The following CFAP206 variants were observed in gnomAD, a reference collection of about 807,000 sequenced individuals.
The protein encoded by CFAP206 is cilia and flagella associated protein 206.
CFAP206 carries 53 observed loss-of-function variants against 65.4 expected under a neutral mutation model. The ratio of observed to expected loss-of-function variants is 0.81; its 90% CI spans 0.65 to 1.02. CFAP206 has a LOEUF of 1.02. CFAP206 is among the 50% of genes least tolerant of loss of function. The pLI, the probability that CFAP206 is intolerant of heterozygous loss-of-function variation, is 0.00. For missense variants in CFAP206, 663 were observed against 753.2 expected (o/e 0.88, Z 1.40); for synonymous variants, 250 against 254.4 (o/e 0.98, Z 0.17).
rs185954307 is a variant in CFAP206 at position 87,438,771 on chromosome 6, C to A, written c.1494+3718C>A. 2.3e-3 allele frequency among the ~76,000 whole-genome samples: 356 copies of A among 152,218 alleles called. 2 individuals carry two copies. The highest frequency in any genetic ancestry group is 2.8e-3 in the Non-Finnish European group (189 of 68,022). On this transcript the variant is annotated intron_variant, in intron 11 of 12. Transcript: ENST00000369562. ...CACAATTTATTTTTTACATTGAGAT[C>A]TTTAGTCTATTTGGAGATAATAAAG...
At chr6:87,440,629 G>A (rs527682059) in intron 11 of CFAP206, among the ~76,000 whole-genome samples, 11 of 152,080 alleles carry the variant, frequency 7.2e-5, no homozygotes, top group Non-Finnish European at 1.5e-4. Flanking sequence ...ACTCATAGAT[G>A]GAAAATTTTA....
chr6:87,422,450 C>T (rs1244172036), intron 7 of CFAP206, among the ~76,000 whole-genome samples: 7 of 88,700 alleles, frequency 7.9e-5, no homozygotes, highest in African/African-American at 2.8e-4. Context: ...AACTCCATCT[C>T]GAAAAAAAAA....
intron 11 of CFAP206, among the ~76,000 whole-genome samples, chr6:87,453,070 T>G (rs903555829): frequency 6.6e-6 from 1 of 151,878 alleles, no homozygotes; most frequent in Non-Finnish European, 1.5e-5. Flanking sequence ...GAAAGGATCC[T>G]AAAAGCAGCA....
chr6:87,452,990 G>A (rs1582150976), intron 11 of CFAP206, among the ~76,000 whole-genome samples: 2 of 151,950 alleles, frequency 1.3e-5, no homozygotes, highest in African/African-American at 2.4e-5. Context: ...GTTATAAAAC[G>A]TCAAGCAGAT....
chr6:87,428,546 T>G, intron 8 of CFAP206, 80 bp from the exon 9 acceptor site: 3 of 1,326,128 alleles, frequency 2.3e-6, no homozygotes, highest in Non-Finnish European at 3.2e-6. Context: ...CAAATGACAA[T>G]TGTATTTATC....
At chr6:87,442,046 G>C in intron 11 of CFAP206, 1 of 220,350 alleles carries the variant, frequency 4.5e-6, no homozygotes, top group Admixed American at 4.4e-5. Flanking sequence ...TCAGATCTTG[G>C]AGTGGTGAAA....
intron 11 of CFAP206, 38 bp from the exon 12 acceptor site, chr6:87,460,984 T>C (rs559760768): frequency 1.3e-6 from 2 of 1,534,212 alleles, no homozygotes; most frequent in Admixed American, 4.9e-5. Context: ...TAATGTTTAT[T>C]TTTTACAAGC....
At chr6:87,463,436 C>G (rs9450700) in intron 12 of CFAP206, among the ~76,000 whole-genome samples, 42,197 of 152,118 alleles carry the variant, frequency 0.28, 6,052 homozygotes, top group Admixed American at 0.38. Flanking sequence ...TTTTTCTTGG[C>G]TTTTACTATA....
intron 2 of CFAP206, among the ~76,000 whole-genome samples, 170 bp from the exon 3 acceptor site, chr6:87,410,415 A>G (rs992459695): frequency 3.9e-5 from 6 of 152,226 alleles, no homozygotes; most frequent in Non-Finnish European, 7.3e-5. Flanking sequence ...TTCAACCTCT[A>G]ACAAGGGTAC....
At chr6:87,430,906 GT>G (rs1345142683) in intron 9 of CFAP206, 126 bp from the exon 10 acceptor site, 3 of 837,906 alleles carry the variant, frequency 3.6e-6, no homozygotes, top group Non-Finnish European at 3.6e-6. Flanking sequence ...TGAATATCAA[GT>G]TTTTGCCCAT....
chr6:87,416,561 T>A (rs1403757744), intron 5 of CFAP206, 108 bp from the exon 6 acceptor site: 1 of 934,120 alleles, frequency 1.1e-6, no homozygotes, highest in Non-Finnish European at 1.5e-6. Flanking sequence ...AAGAATCATA[T>A]AAGTAACTCA....
At chr6:87,420,502 C>CA (rs1767920270) in intron 7 of CFAP206, among the ~76,000 whole-genome samples, 2 of 152,208 alleles carry the variant, frequency 1.3e-5, no homozygotes. Flanking sequence ...GAATTCTAAT[C>CA]ATGACTTTGC....
At position 87,435,019 on chromosome 6, in the gene CFAP206, A is replaced by C. The variant is rs779000435; in HGVS notation, c.1460A>C (p.His487Pro). Residue 487 changes from histidine (H) to proline (P), a missense_variant, in exon 11 of 13, where the codon CAT becomes CCT. Physicochemically the swap from His to Pro is moderately conservative, Grantham distance 77 (BLOSUM62 -2). Coordinates refer to ENST00000369562, the MANE Select transcript of CFAP206 (RefSeq NM_001031743.3). ...NTELIQLLEL[H>P]QQFETFIPYS... ...GAGTTAATTCAACTATTGGAACTTC[A>C]TCAACAGTTTGAAACATTTATTCCA... The C allele has an allele frequency of 6.2e-7, 1 of 1,606,976 alleles. No homozygotes were observed.
intron 10 of CFAP206, 47 bp from the exon 11 acceptor site, chr6:87,434,813 C>T (rs1397132997): frequency 9.3e-7 from 1 of 1,072,086 alleles, no homozygotes; most frequent in Non-Finnish European, 1.3e-6. Context: ...AACAATATTT[C>T]ATAAGTGATC....
At chr6:87,422,928 T>G (rs1472165006) in intron 7 of CFAP206, among the ~76,000 whole-genome samples, 1 of 152,032 alleles carries the variant, frequency 6.6e-6, no homozygotes, top group Non-Finnish European at 1.5e-5. Context: ...TCTAGAGTAT[T>G]TTTTTTCTTT....
chr6:87,430,990 C>G (rs184047157), intron 9 of CFAP206, 43 bp from the exon 10 acceptor site: 1 of 1,587,718 alleles, frequency 6.3e-7, no homozygotes, highest in Non-Finnish European at 8.6e-7. Context: ...GAAATTTAAC[C>G]TTCTCACTGA....
intron 11 of CFAP206, among the ~76,000 whole-genome samples, chr6:87,454,977 T>C (rs891338625): frequency 6.6e-6 from 1 of 151,978 alleles, no homozygotes; most frequent in African/African-American, 2.4e-5. Flanking sequence ...GCCTGGACTT[T>C]AGTGGCATGA....
chr6:87,438,393 A>G (rs1257111438), intron 11 of CFAP206, among the ~76,000 whole-genome samples: 2 of 145,828 alleles, frequency 1.4e-5, no homozygotes, highest in Non-Finnish European at 3.0e-5. Context: ...CCAGGGAGTC[A>G]GAGGTTGCAG....
chr6:87,416,518 T>G, intron 5 of CFAP206, 151 bp from the exon 6 acceptor site: 2 of 613,022 alleles, frequency 3.3e-6, no homozygotes, highest in Non-Finnish European at 5.3e-6. Context: ...ATAAGTTTTA[T>G]TATGTATCCT....
Sources: gnomAD v4.1 joint callset for allele counts (sites outside exome capture counted in the v4.1 genomes callset) on GRCh38, gnomAD v4.1.1 for gene constraint, MANE v1.5 for transcripts, NCBI Gene and HGNC (gene_info 2026-07-23, HGNC 2026-07-21) for gene names.